Variants in KCNIP4 observed in about 807,000 individuals in gnomAD.
The protein encoded by KCNIP4 is potassium voltage-gated channel interacting protein 4.
KCNIP4 carries 12 observed loss-of-function variants against 34.0 expected under a neutral mutation model. That is an observed-to-expected ratio of 0.35 (90% CI 0.23 to 0.57). The LOEUF (loss-of-function observed/expected upper bound fraction) is 0.57. Among genes scored for constraint, KCNIP4 ranks in the 20% least tolerant of loss-of-function variants. The pLI is 0.83. For synonymous variants in KCNIP4, 124 were observed against 102.2 expected, an observed-to-expected ratio of 1.21 and a Z score of -1.29; for missense variants, 238 against 311.7, an observed-to-expected ratio of 0.76 and a Z score of 1.78.
At chr4:21,853,899 TG>T (rs1286052552) in intron 1 of KCNIP4, among the ~76,000 whole-genome samples, 1 of 152,200 alleles carries the variant, frequency 6.6e-6, no homozygotes, top group East Asian at 1.9e-4. Context: ...GTGCCATCCA[TG>T]GTCCTTTGAA....
chr4:20,940,221 T>C (rs1731501492), intron 1 of KCNIP4, among the ~76,000 whole-genome samples: 1 of 152,234 alleles, frequency 6.6e-6, no homozygotes, highest in South Asian at 2.1e-4. Flanking sequence ...GAAGGCTCCC[T>C]GACCTTCCCT....
At chr4:21,649,782 A>C (rs1747331487) in intron 1 of KCNIP4, among the ~76,000 whole-genome samples, 1 of 152,164 alleles carries the variant, frequency 6.6e-6, no homozygotes, top group Non-Finnish European at 1.5e-5. Flanking sequence ...TTTTTTATAC[A>C]ACTCTAAACT....
At chr4:21,674,595 G>A (rs2109013984) in intron 1 of KCNIP4, among the ~76,000 whole-genome samples, 1 of 152,246 alleles carries the variant, frequency 6.6e-6, no homozygotes, top group Non-Finnish European at 1.5e-5. Flanking sequence ...CTCTCATTGT[G>A]CCTTTGAGAA....
At chr4:21,358,575 G>A (rs1213250215) in intron 1 of KCNIP4, among the ~76,000 whole-genome samples, 1 of 152,108 alleles carries the variant, frequency 6.6e-6, no homozygotes, top group African/African-American at 2.4e-5. Flanking sequence ...TGAGCCATAG[G>A]GTGACCAGAT....
chr4:20,779,719 CAGAG>C (rs1166778559), intron 3 of KCNIP4, among the ~76,000 whole-genome samples: 5 of 151,920 alleles, frequency 3.3e-5, no homozygotes, highest in Non-Finnish European at 7.4e-5. Flanking sequence ...AGGAGAGAGG[CAGAG>C]AGATGTGACA....
rs1274442799 is a variant in KCNIP4 at position 20,730,072 on chromosome 4, A to ATTTGACAAGTTAAATCACAT, written c.743_*9dup. On this transcript the variant is annotated 3_prime_UTR_variant, in exon 9 of 9. Transcript: ENST00000382152. Reference sequence around the variant, plus strand: ...CATTTGTCTGTTGGATTCAGGATCTATTTGACAAGTTAAATCACATTTTCA... The same window carrying ATTTGACAAGTTAAATCACAT: ...CATTTGTCTGTTGGATTCAGGATCTATTTGACAAGTTAAATCACATTTTGACAAGTTAAATCACATTTTCA... 6.2e-7 allele frequency: 1 copy of ATTTGACAAGTTAAATCACAT among 1,606,910 alleles called. No individual in the cohort carries two copies. Among genetic ancestry groups the ATTTGACAAGTTAAATCACAT allele is most frequent in the East Asian group, 2.2e-5 (1 of 44,616 alleles).
In KCNIP4 at chr4:21,039,364, C is replaced by T. The variant is rs368787342; in HGVS notation, c.62-156655G>A. 1.0e-4 allele frequency among the ~76,000 whole-genome samples: 14 copies of T among 136,528 alleles called. No homozygotes were observed. The East Asian group carries it at 2.6e-3, about 26-fold the overall frequency. 89.6% of individuals were successfully genotyped at this position (136,528 alleles called of 152,430 possible). On this transcript the variant is annotated intron_variant, in intron 1 of 8. Coordinates refer to ENST00000382152, the MANE Select transcript of KCNIP4 (RefSeq NM_025221.6). ...CAGCCTGGGCGATGGAGCAAGACTC[C>T]GTCTCAAAAAAGAAAAAAAAAAAAA...
At chr4:20,925,564 C>T (rs945948158) in intron 1 of KCNIP4, among the ~76,000 whole-genome samples, 1 of 152,164 alleles carries the variant, frequency 6.6e-6, no homozygotes, top group African/African-American at 2.4e-5. Context: ...CGGCAGCCCT[C>T]AGGGGCTGCT....
At chr4:21,453,219 T>A (rs1324283826) in intron 1 of KCNIP4, among the ~76,000 whole-genome samples, 1 of 152,054 alleles carries the variant, frequency 6.6e-6, no homozygotes, top group African/African-American at 2.4e-5. Context: ...CTCCCAATGT[T>A]GACACTTAAT....
At chr4:20,782,640 C>G (rs1186151887) in intron 3 of KCNIP4, among the ~76,000 whole-genome samples, 1 of 152,150 alleles carries the variant, frequency 6.6e-6, no homozygotes, top group Non-Finnish European at 1.5e-5. Flanking sequence ...AGTCCCTAGA[C>G]TACACACAGC....
At chr4:21,453,462 A>G (rs970321217) in intron 1 of KCNIP4, among the ~76,000 whole-genome samples, 1 of 152,066 alleles carries the variant, frequency 6.6e-6, no homozygotes, top group African/African-American at 2.4e-5. Flanking sequence ...AGAGAACTAA[A>G]TGATCAGCAG....
intron 1 of KCNIP4, among the ~76,000 whole-genome samples, chr4:21,389,740 C>T (rs961321124): frequency 7.2e-5 from 11 of 151,972 alleles, no homozygotes; most frequent in Non-Finnish European, 1.3e-4. Flanking sequence ...TTTTCTATTG[C>T]GAATAGTGCC....
rs559872456 is a variant in KCNIP4 at position 20,914,873 on chromosome 4, C to T, written c.62-32164G>A. On this transcript the variant is annotated intron_variant, in intron 1 of 8. Transcript: ENST00000382152. ...ATCTGCTTCTTCTAAAATACATTTG[C>T]TCCAATGACCACAGAAAGAAAGAAA... Among the ~76,000 whole-genome samples the T allele has an allele frequency of 3.3e-5, 5 of 152,284 alleles. No homozygotes were observed. In the South Asian group the frequency reaches 6.2e-4, roughly 19 times the overall value.
chr4:20,993,389 A>G (rs1350239280), intron 1 of KCNIP4, among the ~76,000 whole-genome samples: 1 of 152,222 alleles, frequency 6.6e-6, no homozygotes, highest in Non-Finnish European at 1.5e-5. Context: ...ATTACTGTTC[A>G]TGAATGCAAA....
intron 2 of KCNIP4, among the ~76,000 whole-genome samples, chr4:20,859,108 G>A (rs1721925083): frequency 6.6e-6 from 1 of 152,108 alleles, no homozygotes; most frequent in African/African-American, 2.4e-5. Context: ...AAATATGCCG[G>A]GGCACCTTCA....
chr4:21,672,582 T>C (rs569795979), intron 1 of KCNIP4, among the ~76,000 whole-genome samples: 98 of 152,350 alleles, frequency 6.4e-4, no homozygotes, highest in African/African-American at 2.2e-3. Context: ...GCATATTTAC[T>C]GGTAAGCATG....
intron 1 of KCNIP4, among the ~76,000 whole-genome samples, chr4:20,943,154 T>C (rs1731822573): frequency 1.3e-5 from 2 of 152,196 alleles, no homozygotes; most frequent in South Asian, 4.1e-4. Context: ...ATTATTTATG[T>C]TGACATTTAT....
chr4:21,293,850 CTG>C (rs1244148296), intron 1 of KCNIP4, among the ~76,000 whole-genome samples: 1 of 152,160 alleles, frequency 6.6e-6, no homozygotes, highest in East Asian at 1.9e-4. Flanking sequence ...TTGAAAGTCT[CTG>C]TAGCTTAATC....
intron 1 of KCNIP4, among the ~76,000 whole-genome samples, chr4:21,759,419 T>C (rs1449413741): frequency 6.6e-6 from 1 of 152,170 alleles, no homozygotes; most frequent in South Asian, 2.1e-4. Flanking sequence ...TATTGCCAAG[T>C]GAAAAAGAAA....
Sources: gnomAD v4.1 joint callset for allele counts (sites outside exome capture counted in the v4.1 genomes callset) on GRCh38, gnomAD v4.1.1 for gene constraint, MANE v1.5 for transcripts, NCBI Gene and HGNC (gene_info 2026-07-23, HGNC 2026-07-21) for gene names.